Variants in DGKD observed in about 807,000 individuals in gnomAD.
The protein encoded by DGKD is diacylglycerol kinase delta, also known as DAG kinase delta.
Under a neutral mutation model 154.4 loss-of-function variants are expected in DGKD, and 68 were observed. The observed-to-expected ratio is 0.44, with a 90% CI of 0.36 to 0.54. The LOEUF (loss-of-function observed/expected upper bound fraction) is 0.54, where lower values mean the gene tolerates loss of function less well. DGKD is among the 20% of genes least tolerant of loss of function. The probability of loss-of-function intolerance (pLI) is 0.00; values close to 1 mark genes in which losing one functional copy is unlikely to be tolerated. For synonymous variants in DGKD, 693 were observed against 638.0 expected, an observed-to-expected ratio of 1.09 and a Z score of -1.30; for missense variants, 1,343 against 1,593.6, an observed-to-expected ratio of 0.84 and a Z score of 2.68.
chr2:233,461,803 C>T (rs765225448), intron 24 of DGKD, among the ~76,000 whole-genome samples: 2 of 152,242 alleles, frequency 1.3e-5, no homozygotes, highest in Non-Finnish European at 2.9e-5. Context: ...CTCTGTCCCC[C>T]GATCTCACCT....
chr2:233,425,874 T>C (rs1023545549), intron 3 of DGKD, among the ~76,000 whole-genome samples: 19 of 152,236 alleles, frequency 1.2e-4, no homozygotes, highest in Admixed American at 1.2e-3. Flanking sequence ...ATATACAGTA[T>C]GTGATTTCTC....
intron 1 of DGKD, among the ~76,000 whole-genome samples, chr2:233,367,456 T>A (rs1359671806): frequency 1.3e-5 from 2 of 152,102 alleles, no homozygotes; most frequent in Non-Finnish European, 2.9e-5. Context: ...CTCGAACCCA[T>A]GACCTCAAGT....
intron 1 of DGKD, chr2:233,385,880 G>A (rs1394001112): frequency 6.7e-6 from 3 of 450,584 alleles, no homozygotes; most frequent in Non-Finnish European, 1.4e-5. Context: ...AGCCTTTTCC[G>A]CTGAAACCCA....
intron 1 of DGKD, among the ~76,000 whole-genome samples, chr2:233,376,736 A>G (rs1347598565): frequency 6.6e-6 from 1 of 152,198 alleles, no homozygotes; most frequent in Non-Finnish European, 1.5e-5. Flanking sequence ...GAATTGAACA[A>G]TGAGAACACT....
At chr2:233,436,238 T>A in intron 6 of DGKD, 78 bp from the exon 7 acceptor site, 3 of 1,595,400 alleles carry the variant, frequency 1.9e-6, no homozygotes, top group Non-Finnish European at 2.6e-6. Flanking sequence ...TTGGCTGAGT[T>A]CACAACGAGC....
Position 233,400,428 on chromosome 2 carries a change from C to A in DGKD, c.348+9945C>A, listed in dbSNP as rs908607001. 2.0e-5 allele frequency among the ~76,000 whole-genome samples: 3 copies of A among 152,202 alleles called. No individual in the cohort carries two copies. In the East Asian group the frequency reaches 5.8e-4, roughly 29 times the overall value. On this transcript the variant is annotated intron_variant, in intron 3 of 29. Coordinates refer to ENST00000264057, the MANE Select transcript of DGKD (RefSeq NM_152879.3). Reference sequence around the variant, plus strand: ...CCACAGGGCCCTTTGCCCTTCACACCCAGTGCCCACTGCCCTGTCTGAGAC... The same window carrying A: ...CCACAGGGCCCTTTGCCCTTCACACACAGTGCCCACTGCCCTGTCTGAGAC...
rs2062889385 is a variant in DGKD, at chr2:233,441,549, G to A, written c.1086-338G>A. ...ACATGGTTAGGGGCCACGGCAGGCT[G>A]TGCCCGTGAGCCTGGCAGGGGATGC... On this transcript the variant is annotated intron_variant, in intron 9 of 29. Coordinates refer to ENST00000264057, the MANE Select transcript of DGKD (RefSeq NM_152879.3). This position sits in a 1 kb window ranked among gnomAD's most constrained non-coding sequence, Gnocchi z 5.6. Among the ~76,000 whole-genome samples, 1 of 152,222 alleles carries A rather than the reference G, an allele frequency of 6.6e-6. No individual in the cohort carries two copies. The highest frequency in any genetic ancestry group is 6.5e-5 in the Admixed American group (1 of 15,290).
chr2:233,384,648 C>T (rs1342896475), intron 1 of DGKD, among the ~76,000 whole-genome samples: 2 of 152,180 alleles, frequency 1.3e-5, no homozygotes, highest in East Asian at 3.9e-4. Flanking sequence ...TCACATCTTT[C>T]TGAACATTCC....
Position 233,449,207 on chromosome 2 carries a change from G to A in DGKD, c.1719G>A (p.Glu573=). 6.2e-7 allele frequency: 1 copy of A among 1,613,812 alleles called. No homozygotes were observed. Among genetic ancestry groups the A allele is most frequent in the African/African-American group, 1.3e-5 (1 of 75,060 alleles). ...ACCCGCCCCCCACCATTGCCGAGGA[G>A]GCTGAAGATGGAGATGGGTCGGGCA... The part of the protein sequence containing the change: ...LPNPPPTIAE[E]AEDGDGSGSI... Residue 573 remains glutamate (E), a synonymous_variant, in exon 15 of 30, where the codon GAG becomes GAA. Coordinates refer to ENST00000264057, the MANE Select transcript of DGKD (RefSeq NM_152879.3). The surrounding 1 kb of genome is among the most constrained non-coding windows in gnomAD (Gnocchi z 5.3).
chr2:233,389,588 A>C (rs545538221), intron 2 of DGKD, among the ~76,000 whole-genome samples: 1 of 149,074 alleles, frequency 6.7e-6, no homozygotes, highest in African/African-American at 2.5e-5. Context: ...AAAAAAAAAA[A>C]CACGACAAAA....
Position 233,434,297 on chromosome 2 carries a change from T to A in DGKD, c.349-83T>A, listed in dbSNP as rs758678361. The A allele has an allele frequency of 3.9e-6, 4 of 1,013,570 alleles. No homozygotes were observed. In the East Asian group the frequency reaches 9.7e-5, roughly 25 times the overall value. The allele number at this position is 1,013,570 out of a possible 1,614,324, so 62.8% of individuals were successfully genotyped here. A position where few individuals can be genotyped will look rare whatever the true frequency, so the allele number is the denominator to read the frequency against. On this transcript the variant is annotated intron_variant, in intron 3 of 29. Transcript: ENST00000264057. ...TGAAATAGTAATTTTTATGTCTGTG[T>A]GAGGTCGGTTTTAAGAAAGCGTTCA... is the stretch of plus-strand genomic sequence containing the variant.
intron 1 of DGKD, among the ~76,000 whole-genome samples, chr2:233,380,539 C>G (rs1702835029): frequency 6.6e-6 from 1 of 152,184 alleles, no homozygotes; most frequent in Non-Finnish European, 1.5e-5. Context: ...TACCTCCCCA[C>G]CCCCAACAGA....
chr2:233,438,473 C>A lies in DGKD; in HGVS notation c.1085+94C>A. On this transcript the variant is annotated intron_variant, in intron 9 of 29. Transcript: ENST00000264057. The surrounding 1 kb of genome is among the most constrained non-coding windows in gnomAD (Gnocchi z 4.1). Reference sequence around the variant, plus strand: ...AAAAAAAAAGTTCAAAGACACAAAGCTTTAAATAGGAAAGAAAAGTTGAAC... The same window carrying A: ...AAAAAAAAAGTTCAAAGACACAAAGATTTAAATAGGAAAGAAAAGTTGAAC... The A allele has an allele frequency of 7.0e-7, 1 of 1,420,360 alleles. No homozygotes were observed. Among genetic ancestry groups the A allele is most frequent in the Non-Finnish European group, 9.5e-7 (1 of 1,054,718 alleles). 88.0% of individuals were successfully genotyped at this position (1,420,360 alleles called of 1,614,324 possible). A position where few individuals can be genotyped will look rare whatever the true frequency, so the allele number is the denominator to read the frequency against.
intron 1 of DGKD, among the ~76,000 whole-genome samples, chr2:233,375,809 T>TGA (rs1376117201): frequency 6.6e-6 from 1 of 152,162 alleles, no homozygotes; most frequent in African/African-American, 2.4e-5. Context: ...TCTTTCTTGT[T>TGA]TCATCTGTCT....
intron 3 of DGKD, among the ~76,000 whole-genome samples, chr2:233,404,753 G>T (rs542574935): frequency 2.6e-5 from 4 of 152,030 alleles, no homozygotes; most frequent in Non-Finnish European, 5.9e-5. Context: ...GGGGACTCTG[G>T]CTTATATGGC....
At chr2:233,368,902 A>C (rs1009450825) in intron 1 of DGKD, among the ~76,000 whole-genome samples, 13 of 152,204 alleles carry the variant, frequency 8.5e-5, no homozygotes, top group African/African-American at 3.1e-4. Flanking sequence ...TTTCAGGTAG[A>C]AGGGACAGTG....
chr2:233,367,449 G>A (rs1447911518), intron 1 of DGKD, among the ~76,000 whole-genome samples: 1 of 151,914 alleles, frequency 6.6e-6, no homozygotes, highest in Admixed American at 6.6e-5. Context: ...GGCTGGTCTC[G>A]AACCCATGAC....
chr2:233,385,888 C>G (rs919063658), intron 1 of DGKD: 2 of 444,576 alleles, frequency 4.5e-6, no homozygotes, highest in Non-Finnish European at 4.6e-6. Flanking sequence ...CCGCTGAAAC[C>G]CACCAGTCTT....
At chr2:233,365,253 C>T (rs924461539) in intron 1 of DGKD, among the ~76,000 whole-genome samples, 42 of 149,662 alleles carry the variant, frequency 2.8e-4, no homozygotes, top group Non-Finnish European at 1.5e-4. Context: ...TTTTGGGAGA[C>T]GGAGTTTCGC....
Sources: gnomAD v4.1 joint callset for allele counts (sites outside exome capture counted in the v4.1 genomes callset) on GRCh38, gnomAD v4.1.1 for gene constraint, Gnocchi (gnomAD v3.1) non-coding constraint, MANE v1.5 for transcripts, NCBI Gene and HGNC (gene_info 2026-07-23, HGNC 2026-07-21) for gene names.